Variants in CACNA1C observed in about 807,000 individuals in gnomAD.
CACNA1C encodes the protein voltage-dependent L-type calcium channel subunit alpha-1C.
Under a neutral mutation model 229.0 loss-of-function variants are expected in CACNA1C, and 30 were observed. The ratio of observed to expected loss-of-function variants is 0.13; its 90% CI spans 0.10 to 0.18. CACNA1C has a LOEUF of 0.18. CACNA1C is among the 10% of genes least tolerant of loss of function. CACNA1C has a pLI of 1.00. For synonymous variants in CACNA1C, 1,114 were observed against 1,132.5 expected (o/e 0.98, Z 0.33); for missense variants, 1,658 against 2,845.0 (o/e 0.58, Z 9.49).
intron 5 of CACNA1C, 113 bp downstream of exon 5, chr12:2,457,819 G>C: frequency 9.9e-7 from 1 of 1,013,646 alleles, no homozygotes; most frequent in Non-Finnish European, 1.3e-6. Flanking sequence ...TAAATGGAGG[G>C]GTTTTTGTTT....
At chr12:2,103,541 A>G (rs1474881909) in intron 1 of CACNA1C, among the ~76,000 whole-genome samples, 2 of 152,108 alleles carry the variant, frequency 1.3e-5, no homozygotes, top group South Asian at 2.1e-4. Context: ...GTTCACTCAG[A>G]TGATAATTTC....
chr12:2,268,290 A>T (rs1423973973), intron 3 of CACNA1C, among the ~76,000 whole-genome samples: 1 of 152,144 alleles, frequency 6.6e-6, no homozygotes, highest in Non-Finnish European at 1.5e-5. Context: ...TTGAGAAGCC[A>T]ACTCACCGGC....
chr12:2,428,456 A>G (rs2099053273), intron 3 of CACNA1C, among the ~76,000 whole-genome samples: 1 of 152,000 alleles, frequency 6.6e-6, no homozygotes, highest in Admixed American at 6.6e-5. Flanking sequence ...ATTTAGTTCT[A>G]TTTGGGGGGC....
intron 9 of CACNA1C, among the ~76,000 whole-genome samples, chr12:2,541,039 T>C (rs553540338): frequency 3.9e-5 from 6 of 152,276 alleles, no homozygotes; most frequent in Admixed American, 1.3e-4. Context: ...CTCTGAGTCT[T>C]CACATCGTCT....
chr12:2,372,495 T>G (rs1425101927), intron 3 of CACNA1C, among the ~76,000 whole-genome samples: 1 of 152,188 alleles, frequency 6.6e-6, no homozygotes, highest in East Asian at 1.9e-4. Flanking sequence ...TGATCTCCAG[T>G]TAATCCAGGA....
At chr12:2,043,904 C>T (rs12822717) in intron 1 of CACNA1C, among the ~76,000 whole-genome samples, 1 of 151,708 alleles carries the variant, frequency 6.6e-6, no homozygotes, top group Admixed American at 6.6e-5. Flanking sequence ...ATCCACCCGC[C>T]TCGGCCTCCC....
chr12:2,513,348 C>A (rs983828985), intron 9 of CACNA1C, among the ~76,000 whole-genome samples: 1 of 152,242 alleles, frequency 6.6e-6, no homozygotes, highest in African/African-American at 2.4e-5. Context: ...TTAAAAGGAA[C>A]AATGTGTGCC....
At chr12:1,978,995 G>A (rs577215967) in intron 1 of CACNA1C, among the ~76,000 whole-genome samples, 1 of 152,256 alleles carries the variant, frequency 6.6e-6, no homozygotes, top group Admixed American at 6.5e-5. Context: ...ACTGCTTTGA[G>A]CATTTGTGTA....
chr12:2,024,690 AG>A, intron 1 of CACNA1C, among the ~76,000 whole-genome samples: 1 of 152,248 alleles, frequency 6.6e-6, no homozygotes, highest in East Asian at 1.9e-4. Flanking sequence ...GACAAGTAGC[AG>A]GTTCTGACAT....
At chr12:2,245,725 C>A (rs1265658220) in intron 3 of CACNA1C, among the ~76,000 whole-genome samples, 1 of 152,180 alleles carries the variant, frequency 6.6e-6, no homozygotes, top group Non-Finnish European at 1.5e-5. Context: ...CTGAATTCAT[C>A]TGGGGCAGAG....
At chr12:2,524,490 G>T (rs1377470616) in intron 9 of CACNA1C, among the ~76,000 whole-genome samples, 1 of 152,238 alleles carries the variant, frequency 6.6e-6, no homozygotes, top group Non-Finnish European at 1.5e-5. Flanking sequence ...TGCCATGTCA[G>T]TCAGGGTTGG....
intron 3 of CACNA1C, among the ~76,000 whole-genome samples, chr12:2,170,221 G>T (rs1250723999): frequency 2.6e-5 from 4 of 152,196 alleles, no homozygotes; most frequent in Non-Finnish European, 5.9e-5. Context: ...TGCATTTTTG[G>T]ATAGTGGAAC....
chr12:2,191,855 CAT>C (rs1226970390), intron 3 of CACNA1C, among the ~76,000 whole-genome samples: 3 of 74,578 alleles, frequency 4.0e-5, no homozygotes, highest in African/African-American at 7.3e-5. Context: ...TGCACTCACA[CAT>C]GTACTCGCAT....
rs2094941856 is a variant in CACNA1C, at chr12:2,651,298, G to A, written c.3946-342G>A. The A allele has an allele frequency of 2.5e-5, 10 of 392,228 alleles. No individual in the cohort carries two copies. In the South Asian group the frequency reaches 5.4e-4, roughly 21 times the overall value. The allele number at this position is 392,228 out of a possible 1,614,324, so 24.3% of individuals were successfully genotyped here. ...AGGGGTTCCCAGGGCAGCTGGCTCT[G>A]GGCCTAGAAGATTCCAAAGCCTATG... On this transcript the variant is annotated intron_variant, in intron 31 of 46. Transcript: ENST00000399655. This position sits in a 1 kb window ranked among gnomAD's most constrained non-coding sequence, Gnocchi z 5.4.
At chr12:2,177,629 T>C (rs866233311) in intron 3 of CACNA1C, among the ~76,000 whole-genome samples, 5 of 97,580 alleles carry the variant, frequency 5.1e-5, no homozygotes, top group East Asian at 6.4e-4. Context: ...TCCTTCCTTC[T>C]CTCTCTCTTT....
intron 5 of CACNA1C, among the ~76,000 whole-genome samples, chr12:2,472,454 T>C (rs2099598277): frequency 6.6e-6 from 1 of 152,210 alleles, no homozygotes; most frequent in South Asian, 2.1e-4. Flanking sequence ...ATTTCCATTC[T>C]GTTCCTTTTT....
chr12:2,539,788 T>C (rs7970270), intron 9 of CACNA1C, among the ~76,000 whole-genome samples: 1,247 of 29,604 alleles, frequency 0.042, 14 homozygotes, highest in East Asian at 0.062. Context: ...TTAAGGAGGG[T>C]TTCATAAAGA....
chr12:2,128,602 G>A (rs1238036274), intron 3 of CACNA1C, among the ~76,000 whole-genome samples: 2 of 151,992 alleles, frequency 1.3e-5, no homozygotes, highest in Non-Finnish European at 2.9e-5. Flanking sequence ...TAGTAGAGAC[G>A]GGGTTTCACC....
chr12:2,449,196 G>T (rs921152071), intron 4 of CACNA1C, 81 bp downstream of exon 4: 1 of 1,063,022 alleles, frequency 9.4e-7, no homozygotes, highest in South Asian at 2.3e-5. Flanking sequence ...AGACAGGGTC[G>T]TTGTCAGACG....
Sources: gnomAD v4.1 joint callset for allele counts (sites outside exome capture counted in the v4.1 genomes callset) on GRCh38, gnomAD v4.1.1 for gene constraint, Gnocchi (gnomAD v3.1) non-coding constraint, MANE v1.5 for transcripts, NCBI Gene and HGNC (gene_info 2026-07-23, HGNC 2026-07-21) for gene names.